OSMR: variants seen among roughly 807,000 people sequenced by gnomAD.
The protein encoded by OSMR is oncostatin-M-specific receptor subunit beta.
OSMR carries 81 observed loss-of-function variants against 99.9 expected under a neutral mutation model. The ratio of observed to expected loss-of-function variants is 0.81; its 90% confidence interval spans 0.68 to 0.97. The LOEUF is 0.97. OSMR is among the 50% of genes least tolerant of loss of function. The pLI is 0.00. For missense variants in OSMR, 1,099 were observed against 1,153.4 expected, an observed-to-expected ratio of 0.95 and a Z score of 0.68; for synonymous variants, 406 against 410.4, an observed-to-expected ratio of 0.99 and a Z score of 0.13.
chr5:38,916,478 A>C (rs1561399354), intron 9 of OSMR, among the ~76,000 whole-genome samples: 1 of 152,184 alleles, frequency 6.6e-6, no homozygotes, highest in South Asian at 2.1e-4. Flanking sequence ...AAATAATCAT[A>C]CCTGCCCCAT....
At chr5:38,908,595 TG>T (rs1190390120) in intron 9 of OSMR, among the ~76,000 whole-genome samples, 2 of 152,106 alleles carry the variant, frequency 1.3e-5, no homozygotes, top group Non-Finnish European at 2.9e-5. Flanking sequence ...AGAACAAAGG[TG>T]GGGGCCTGAT....
intron 3 of OSMR, among the ~76,000 whole-genome samples, chr5:38,876,723 A>G (rs1742870492): frequency 6.6e-6 from 1 of 152,088 alleles, no homozygotes. Flanking sequence ...TCCTCCAGAG[A>G]TTTTCCTAAA....
At chr5:38,943,927 A>C (rs1259885612) in intron 1 of OSMR, among the ~76,000 whole-genome samples, 2 of 152,058 alleles carry the variant, frequency 1.3e-5, no homozygotes, top group Non-Finnish European at 1.5e-5. Flanking sequence ...AGAAAATATG[A>C]CTTGTTACAT....
intron 9 of OSMR, among the ~76,000 whole-genome samples, chr5:38,905,717 C>T (rs1030526933): frequency 7.9e-5 from 12 of 152,160 alleles, no homozygotes; most frequent in Admixed American, 6.5e-4. Flanking sequence ...CAGAGCTCCA[C>T]CCTTAATCAG....
chr5:38,897,923 T>C (rs750513882), intron 7 of OSMR, among the ~76,000 whole-genome samples: 6 of 152,170 alleles, frequency 3.9e-5, no homozygotes, highest in Admixed American at 1.3e-4. Context: ...AAAATTCCTC[T>C]TGTTATTGAT....
chr5:38,862,768 C>A (rs534829394), intron 1 of OSMR, among the ~76,000 whole-genome samples: 49 of 151,808 alleles, frequency 3.2e-4, no homozygotes, highest in African/African-American at 1.1e-3. Flanking sequence ...GGGTGGCGGC[C>A]GGGCAGAGGC....
chr5:38,944,606 T>C, intron 2 of OSMR: 6 of 1,521,024 alleles, frequency 3.9e-6, no homozygotes, highest in Non-Finnish European at 5.4e-6. Context: ...ATATTATCTA[T>C]GTCACAATAA....
chr5:38,885,937 G>A, intron 6 of OSMR, 102 bp from the exon 7 acceptor site: 10 of 1,523,212 alleles, frequency 6.6e-6, no homozygotes, highest in Non-Finnish European at 7.9e-6. Context: ...GGGGAACATA[G>A]TTTGACAGTC....
intron 4 of OSMR, among the ~76,000 whole-genome samples, chr5:38,882,003 A>G (rs62352600): frequency 2.0e-5 from 3 of 152,178 alleles, no homozygotes; most frequent in Non-Finnish European, 4.4e-5. Context: ...GCAATTTTGT[A>G]TTTGTTTTCA....
intron 3 of OSMR, among the ~76,000 whole-genome samples, chr5:38,879,896 T>C (rs1339281895): frequency 6.6e-6 from 1 of 152,062 alleles, no homozygotes; most frequent in African/African-American, 2.4e-5. Context: ...TCCTGGGATA[T>C]TTGCTCTTAA....
chr5:38,930,711 A>G (rs1048102793), intron 15 of OSMR, among the ~76,000 whole-genome samples: 7 of 152,232 alleles, frequency 4.6e-5, no homozygotes, highest in African/African-American at 1.7e-4. Flanking sequence ...TTTGGGACTG[A>G]GCATTGTAAT....
intron 1 of OSMR, among the ~76,000 whole-genome samples, 198 bp downstream of exon 1, chr5:38,846,585 ACCTCT>A (rs1319688663): frequency 6.6e-6 from 1 of 150,764 alleles, no homozygotes. Context: ...TGCTTCCCCT[ACCTCT>A]CCTCTCGTAA....
At chr5:38,915,925 G>A (rs1413413881) in intron 9 of OSMR, among the ~76,000 whole-genome samples, 1 of 152,184 alleles carries the variant, frequency 6.6e-6, no homozygotes, top group Non-Finnish European at 1.5e-5. Flanking sequence ...TTTCTTGTTT[G>A]TCTCCATGGA....
intron 15 of OSMR, among the ~76,000 whole-genome samples, chr5:38,931,576 T>C (rs945358091): frequency 6.6e-6 from 1 of 152,160 alleles, no homozygotes; most frequent in Non-Finnish European, 1.5e-5. Flanking sequence ...TCACCTACCA[T>C]GAAGTTTTGG....
intron 1 of OSMR, among the ~76,000 whole-genome samples, chr5:38,856,840 C>T (rs1374739657): frequency 6.6e-6 from 1 of 152,138 alleles, no homozygotes; most frequent in Non-Finnish European, 1.5e-5. Context: ...ATGGATCTTG[C>T]TATGTTGCCC....
chr5:38,940,531 T>C (rs1477637500), downstream of OSMR: 1 of 232,784 alleles, frequency 4.3e-6, no homozygotes, highest in Non-Finnish European at 8.5e-6. Context: ...AAATAAACAC[T>C]TGGGTTCAGT....
At chr5:38,899,414 G>T (rs1043549876) in intron 7 of OSMR, among the ~76,000 whole-genome samples, 2 of 152,134 alleles carry the variant, frequency 1.3e-5, no homozygotes, top group Admixed American at 1.3e-4. Flanking sequence ...GCCCACTTGT[G>T]CTCTACCCCT....
At chr5:38,855,023 A>T (rs1326696074) in intron 1 of OSMR, among the ~76,000 whole-genome samples, 2 of 152,122 alleles carry the variant, frequency 1.3e-5, no homozygotes, top group East Asian at 3.9e-4. Flanking sequence ...CCAGAAGCAG[A>T]GCTGCAGAGG....
intron 1 of OSMR, among the ~76,000 whole-genome samples, chr5:38,858,382 G>A (rs1741025455): frequency 6.6e-6 from 1 of 150,714 alleles, no homozygotes; most frequent in Non-Finnish European, 1.5e-5. Flanking sequence ...TTCTGTGCCT[G>A]GCTTATTTCA....
Sources: allele counts gnomAD v4.1 joint callset (sites outside exome capture counted in the v4.1 genomes callset), GRCh38; gene constraint gnomAD v4.1.1; transcripts MANE v1.5; gene names NCBI Gene and HGNC (gene_info 2026-07-23, HGNC 2026-07-21).